The following TMEM132C variants were observed in gnomAD, a reference collection of about 807,000 sequenced individuals.
TMEM132C encodes protein phosphatase 1, regulatory subunit 152.
TMEM132C carries 29 observed loss-of-function variants against 61.4 expected under a neutral mutation model. The observed-to-expected ratio is 0.47, with a 90% CI of 0.35 to 0.64. The LOEUF (loss-of-function observed/expected upper bound fraction) is 0.64, where lower values mean the gene tolerates loss of function less well. Ranked by LOEUF, TMEM132C falls within the 30% of genes least tolerant of loss-of-function variation. The pLI is 0.00. For synonymous variants in TMEM132C, 656 were observed against 633.1 expected (o/e 1.04, Z -0.54); for missense variants, 1,408 against 1,476.9 (o/e 0.95, Z 0.76).
chr12:128,627,146 G>A (rs955968460), intron 4 of TMEM132C, among the ~76,000 whole-genome samples: 1 of 152,194 alleles, frequency 6.6e-6, no homozygotes, highest in Non-Finnish European at 1.5e-5. Context: ...CCCCAAGATG[G>A]TGCTGACAGC....
rs141455463 is a variant in TMEM132C at position 128,499,033 on chromosome 12, G to A, written c.975-44924G>A. ...TTTACTGAAATTGTCAAACTGATCT[G>A]AAAATTTATAGGGAAATACAAAGGA... On this transcript the variant is annotated intron_variant, in intron 2 of 8. Coordinates refer to ENST00000435159, the MANE Select transcript of TMEM132C (RefSeq NM_001136103.3). Among the ~76,000 whole-genome samples the A allele has an allele frequency of 7.6e-3, 1,157 of 152,204 alleles. 14 individuals carry two copies. The highest frequency in any genetic ancestry group is 0.027 in the African/African-American group (1,108 of 41,526).
chr12:128,267,461 TGCTGCTGGGCGC>T lies in TMEM132C; in HGVS notation c.70_81del (p.Ala24_Gly27del), dbSNP rs1870345926. 4.7e-6 allele frequency: 6 copies of T among 1,269,972 alleles called. No homozygotes were observed. Among genetic ancestry groups the T allele is most frequent in the Non-Finnish European group, 5.9e-6 (6 of 1,009,906 alleles). 78.7% of individuals were successfully genotyped at this position (1,269,972 alleles called of 1,614,324 possible). A position where few individuals can be genotyped will look rare whatever the true frequency, so the allele number is the denominator to read the frequency against. On this transcript the variant is annotated inframe_deletion, in exon 1 of 9. Transcript: ENST00000435159. Reference sequence around the variant, plus strand: ...GCGCCGCTGTGCGGGGCGCTGAGCCTGCTGCTGGGCGCGCTGCTGGGCAAAGGTAAGGCCGGG... The same window carrying T: ...GCGCCGCTGTGCGGGGCGCTGAGCCTGCTGCTGGGCAAAGGTAAGGCCGGG...
chr12:128,442,687 T>G (rs1404399839), intron 2 of TMEM132C, among the ~76,000 whole-genome samples: 1 of 151,974 alleles, frequency 6.6e-6, no homozygotes, highest in Non-Finnish European at 1.5e-5. Context: ...CTACAAAGGG[T>G]ATTTTTTGAA....
At chr12:128,654,610 C>G (rs373767741) in intron 4 of TMEM132C, among the ~76,000 whole-genome samples, 25 of 152,294 alleles carry the variant, frequency 1.6e-4, no homozygotes, top group Admixed American at 1.2e-3. Context: ...TAACTCTGAG[C>G]CGCTCTGATG....
At chr12:128,644,362 A>C (rs1489751463) in intron 4 of TMEM132C, among the ~76,000 whole-genome samples, 1 of 152,220 alleles carries the variant, frequency 6.6e-6, no homozygotes, top group Admixed American at 6.5e-5. Context: ...CTGGGGAAAG[A>C]ATAAACAAAT....
chr12:128,488,645 A>G (rs1016249135), intron 2 of TMEM132C, among the ~76,000 whole-genome samples: 2 of 152,018 alleles, frequency 1.3e-5, no homozygotes, highest in African/African-American at 4.8e-5. Flanking sequence ...TGGGTGATAG[A>G]TCATGACTCC....
intron 2 of TMEM132C, among the ~76,000 whole-genome samples, chr12:128,523,846 A>T (rs967594724): frequency 3.3e-5 from 5 of 151,308 alleles, no homozygotes; most frequent in South Asian, 2.1e-4. Flanking sequence ...TGTCTCTACA[A>T]ATAATAATAA....
Position 128,278,305 on chromosome 12 carries a change from T to G in TMEM132C, c.85+10818T>G, listed in dbSNP as rs1870759865. Among the ~76,000 whole-genome samples, 1 of 152,256 alleles carries G rather than the reference T, an allele frequency of 6.6e-6. No individual in the cohort carries two copies. Among genetic ancestry groups the G allele is most frequent in the African/African-American group, 2.4e-5 (1 of 41,554 alleles). ...TTTTGGGTCACGACACAGCCCCGGGTTACCATTTTCTTTATTTTCCACTGT... is the reference window on the plus strand; with the variant it reads ...TTTTGGGTCACGACACAGCCCCGGGGTACCATTTTCTTTATTTTCCACTGT... On this transcript the variant is annotated intron_variant, in intron 1 of 8. Transcript: ENST00000435159. The surrounding 1 kb of genome is among the most constrained non-coding windows in gnomAD (Gnocchi z 4.2).
At chr12:128,497,830 T>C (rs1320259468) in intron 2 of TMEM132C, among the ~76,000 whole-genome samples, 1 of 152,198 alleles carries the variant, frequency 6.6e-6, no homozygotes, top group Non-Finnish European at 1.5e-5. Flanking sequence ...CTGCACCCAC[T>C]GTCCTGCCCC....
chr12:128,342,755 T>C (rs985690279), intron 1 of TMEM132C, among the ~76,000 whole-genome samples: 1 of 152,206 alleles, frequency 6.6e-6, no homozygotes, highest in Non-Finnish European at 1.5e-5. Context: ...GCTGCTCTCC[T>C]TCTCTGCCCG....
At chr12:128,324,594 T>C (rs1309157025) in intron 1 of TMEM132C, among the ~76,000 whole-genome samples, 1 of 152,174 alleles carries the variant, frequency 6.6e-6, no homozygotes, top group Non-Finnish European at 1.5e-5. Context: ...GGGCGGTGGC[T>C]CACGTCTGTA....
chr12:128,424,884 G>T (rs1014936854), intron 2 of TMEM132C, among the ~76,000 whole-genome samples: 12 of 152,188 alleles, frequency 7.9e-5, no homozygotes, highest in African/African-American at 2.6e-4. Flanking sequence ...ACTTGACAAG[G>T]TTCTTAGGAC....
At position 128,414,749 on chromosome 12, in the gene TMEM132C, G is replaced by T; in HGVS notation, c.103G>T (p.Val35Phe). 8 of 1,530,300 alleles carry T rather than the reference G, an allele frequency of 5.2e-6. No homozygotes were observed. Among genetic ancestry groups the T allele is most frequent in the Non-Finnish European group, 7.0e-6 (8 of 1,141,616 alleles). 94.8% of individuals were successfully genotyped at this position (1,530,300 alleles called of 1,614,324 possible). The change falls in exon 2 of 9, where the codon GTC (valine) becomes TTC (phenylalanine). Residue 35 changes from valine to phenylalanine, a missense_variant. By Grantham distance (50) the Val-to-Phe change is conservative. Coordinates refer to ENST00000435159, the MANE Select transcript of TMEM132C (RefSeq NM_001136103.3). ...LLGKVIEGHG[V>F]TDNIQRFSSL... is the part of the protein sequence containing the mutation. ...CTTTTTAGTGATAGAGGGTCACGGG[G>T]TCACAGACAACATACAGAGATTCTC...
intron 2 of TMEM132C, among the ~76,000 whole-genome samples, chr12:128,485,389 C>A (rs1366544965): frequency 6.6e-6 from 1 of 152,152 alleles, no homozygotes; most frequent in Non-Finnish European, 1.5e-5. Flanking sequence ...GTTGGCCAGG[C>A]TGGTCTCGAA....
chr12:128,276,151 G>C (rs1453413375), intron 1 of TMEM132C, among the ~76,000 whole-genome samples: 1 of 152,154 alleles, frequency 6.6e-6, no homozygotes, highest in Non-Finnish European at 1.5e-5. Flanking sequence ...CAGGTTCTAA[G>C]TGGACATTCG....
intron 2 of TMEM132C, among the ~76,000 whole-genome samples, chr12:128,526,176 T>C (rs1873079008): frequency 6.6e-6 from 1 of 152,220 alleles, no homozygotes; most frequent in Non-Finnish European, 1.5e-5. Flanking sequence ...AATATTGCAA[T>C]GGACAAAGAA....
At chr12:128,657,409 C>G (rs1214759626) in intron 4 of TMEM132C, among the ~76,000 whole-genome samples, 3 of 152,090 alleles carry the variant, frequency 2.0e-5, no homozygotes, top group African/African-American at 7.2e-5. Flanking sequence ...GGAAGGGAGG[C>G]CAGGTTTTAT....
chr12:128,521,591 C>G (rs917065239), intron 2 of TMEM132C, among the ~76,000 whole-genome samples: 3 of 151,856 alleles, frequency 2.0e-5, no homozygotes, highest in Admixed American at 2.0e-4. Flanking sequence ...ACAGATTATA[C>G]AGGACTAACT....
Position 128,699,541 on chromosome 12 carries a change from G to T in TMEM132C, c.2121+2126G>T, listed in dbSNP as rs1002548228. Among the ~76,000 whole-genome samples, 3 of 152,022 alleles carry T rather than the reference G, an allele frequency of 2.0e-5. 1 individual carries two copies. The South Asian group carries it at 6.2e-4, about 32-fold the overall frequency. ...TCTCAGTCCCCACCCTACCTTCATCGGCTTCAACACTAGGAACAATGCATG... is the reference window on the plus strand; with the variant it reads ...TCTCAGTCCCCACCCTACCTTCATCTGCTTCAACACTAGGAACAATGCATG... On this transcript the variant is annotated intron_variant, in intron 8 of 8. Coordinates refer to ENST00000435159, the MANE Select transcript of TMEM132C (RefSeq NM_001136103.3).
Sources: allele counts gnomAD v4.1 joint callset (sites outside exome capture counted in the v4.1 genomes callset), GRCh38; gene constraint gnomAD v4.1.1; non-coding constraint Gnocchi (gnomAD v3.1); transcripts MANE v1.5; gene names NCBI Gene and HGNC (gene_info 2026-07-23, HGNC 2026-07-21).